The following CHGA variants were observed in gnomAD, a reference collection of about 807,000 sequenced individuals.
CHGA encodes the protein chromogranin A.
Under a neutral mutation model 54.4 loss-of-function variants are expected in CHGA, and 41 were observed. The ratio of observed to expected loss-of-function variants is 0.75; its 90% confidence interval spans 0.59 to 0.98. CHGA has a LOEUF of 0.98. Among genes scored for constraint, CHGA ranks in the 50% least tolerant of loss-of-function variants. The pLI, the probability that CHGA is intolerant of heterozygous loss-of-function variation, is 0.00. For missense variants in CHGA, 576 were observed against 582.3 expected, an observed-to-expected ratio of 0.99 and a Z score of 0.11; for synonymous variants, 249 against 232.8, an observed-to-expected ratio of 1.07 and a Z score of -0.63.
rs759070625 is a variant in CHGA, at chr14:92,929,804, C to A, written c.344C>A (p.Ala115Asp). ...SEVLENQSSQ[A>D]ELKEAVEEPS... is the part of the protein sequence containing the mutation. ...GTTCTTGAGAACCAGAGCAGCCAGGCCGAGCTGAAAGGTCTGTCCCAGCCG... is the reference window on the plus strand; with the variant it reads ...GTTCTTGAGAACCAGAGCAGCCAGGACGAGCTGAAAGGTCTGTCCCAGCCG... The change falls in exon 5 of 8, where the codon GCC (alanine) becomes GAC (aspartate). Residue 115 changes from alanine (A) to aspartate (D), a missense_variant. Ala to Asp is a moderately radical substitution (Grantham distance 126, BLOSUM62 -2). Transcript: ENST00000216492. The A allele has an allele frequency of 1.2e-6, 2 of 1,611,776 alleles. No individual in the cohort carries two copies. The highest frequency in any genetic ancestry group is 3.3e-5 in the Admixed American group (2 of 59,998).
At position 92,932,143 on chromosome 14, in the gene CHGA, G is replaced by A. The variant is rs535602517; in HGVS notation, c.809-227G>A. The A allele has an allele frequency of 3.0e-5, 16 of 533,046 alleles. No individual in the cohort carries two copies. Among genetic ancestry groups the A allele is most frequent in the African/African-American group, 1.4e-4 (7 of 50,554 alleles). 33.0% of individuals were successfully genotyped at this position (533,046 alleles called of 1,614,324 possible). On this transcript the variant is annotated intron_variant, in intron 6 of 7. Transcript: ENST00000216492. The surrounding 1 kb of genome is among the most constrained non-coding windows in gnomAD (Gnocchi z 5.3). ...GGTCTTTCCTCACTCTCCAGCTGCC[G>A]GGCTTCTGGGGTGAGGATGAGGGGA...
chr14:92,932,109 G>A lies in CHGA; in HGVS notation c.809-261G>A, dbSNP rs919756107. 1.1e-5 allele frequency: 5 copies of A among 474,612 alleles called. No homozygotes were observed. The highest frequency in any genetic ancestry group is 3.7e-5 in the Admixed American group (1 of 27,324). The allele number at this position is 474,612 out of a possible 1,614,324, so 29.4% of individuals were successfully genotyped here. On this transcript the variant is annotated intron_variant, in intron 6 of 7. Coordinates refer to ENST00000216492, the MANE Select transcript of CHGA (RefSeq NM_001275.4). This position sits in a 1 kb window ranked among gnomAD's most constrained non-coding sequence, Gnocchi z 5.3. ...GGAGAGGCCCTGGCTCCCGCTGCGGGCCTGTCAGGGTCTTTCCTCACTCTC... is the reference window on the plus strand; with the variant it reads ...GGAGAGGCCCTGGCTCCCGCTGCGGACCTGTCAGGGTCTTTCCTCACTCTC...
chr14:92,929,500 G>A (rs1886952013), intron 4 of CHGA, among the ~76,000 whole-genome samples: 1 of 152,240 alleles, frequency 6.6e-6, no homozygotes, highest in African/African-American at 2.4e-5. Context: ...AGCTGAGTCT[G>A]GCGAGGCAGG....
rs777589945 is a variant in CHGA at position 92,926,581 on chromosome 14, C to T, written c.94-24C>T. The T allele has an allele frequency of 2.5e-6, 4 of 1,609,394 alleles. No homozygotes were observed. In the African/African-American group the frequency reaches 4.0e-5, roughly 16 times the overall value. Reference sequence around the variant, plus strand: ...AGCCCCATGCTCAAACCAGCCCCAACCTGCCCCTGCACTGTGTTCCCAGGT... The same window carrying T: ...AGCCCCATGCTCAAACCAGCCCCAATCTGCCCCTGCACTGTGTTCCCAGGT... On this transcript the variant is annotated intron_variant, in intron 2 of 7. Coordinates refer to ENST00000216492, the MANE Select transcript of CHGA (RefSeq NM_001275.4).
At chr14:92,926,189 C>T (rs920128272) in intron 2 of CHGA, 4 of 201,092 alleles carry the variant, frequency 2.0e-5, no homozygotes, top group East Asian at 1.1e-4. Flanking sequence ...TCCAGAAGGA[C>T]TTCCTGGAGG....
rs9658661 is a variant in CHGA at position 92,932,251 on chromosome 14, C to A, written c.809-119C>A. 3.7e-6 allele frequency: 5 copies of A among 1,363,658 alleles called. No individual in the cohort carries two copies. The African/African-American group carries it at 5.9e-5, about 16-fold the overall frequency. 84.5% of individuals were successfully genotyped at this position (1,363,658 alleles called of 1,614,324 possible). On this transcript the variant is annotated intron_variant, in intron 6 of 7. Transcript: ENST00000216492. This position sits in a 1 kb window ranked among gnomAD's most constrained non-coding sequence, Gnocchi z 5.3. ...CATCAAGAAGGTTTTTCCCGCTAAG[C>A]GTCATCACTGTGGAGAGGCTGGGCT...
rs111831774 is a variant in CHGA, at chr14:92,926,399, G to C, written c.94-206G>C. The C allele has an allele frequency of 9.8e-5, 57 of 581,530 alleles. No individual in the cohort carries two copies. The African/African-American group carries it at 9.9e-4, about 10-fold the overall frequency. 36.0% of individuals were successfully genotyped at this position (581,530 alleles called of 1,614,324 possible). A position where few individuals can be genotyped will look rare whatever the true frequency, so the allele number is the denominator to read the frequency against. ...ATGTGGTTGGAGTGGCTGACACATG[G>C]TAAGCACTGTGTTAAGGGTTTTCTA... On this transcript the variant is annotated intron_variant, in intron 2 of 7. Transcript: ENST00000216492.
At chr14:92,924,577 GT>G (rs1886850892) in intron 2 of CHGA, among the ~76,000 whole-genome samples, 1 of 152,228 alleles carries the variant, frequency 6.6e-6, no homozygotes, top group Non-Finnish European at 1.5e-5. Flanking sequence ...CTTCTCTGTA[GT>G]TGTAGTTGTC....
intron 7 of CHGA, 63 bp from the exon 8 acceptor site, chr14:92,934,738 G>A (rs948616088): frequency 2.3e-6 from 3 of 1,329,532 alleles, no homozygotes; most frequent in Non-Finnish European, 3.2e-6. Flanking sequence ...CGCCTTTCTG[G>A]CTTACTGTGC....
chr14:92,928,267 TG>T (rs1352262691), intron 4 of CHGA, among the ~76,000 whole-genome samples: 5 of 151,658 alleles, frequency 3.3e-5, no homozygotes, highest in African/African-American at 4.9e-5. Flanking sequence ...TGGGGTGGGG[TG>T]GGGGTACGAA....
intron 5 of CHGA, among the ~76,000 whole-genome samples, 179 bp from the exon 6 acceptor site, chr14:92,931,052 GATTAAAAAGAAAGAAACAA>G (rs1268232373): frequency 1.3e-5 from 2 of 152,230 alleles, no homozygotes; most frequent in African/African-American, 4.8e-5. Context: ...TAAAAGTCAG[GATTAAAAAGAAAGAAACAA>G]ATCCAGCTGT....
intron 7 of CHGA, among the ~76,000 whole-genome samples, chr14:92,934,516 A>G (rs11625320): frequency 0.24 from 36,032 of 152,134 alleles, 4,448 homozygotes; most frequent in Middle Eastern, 0.39. Flanking sequence ...CTAAAAGAAC[A>G]GACTCCCACC....
intron 7 of CHGA, among the ~76,000 whole-genome samples, chr14:92,933,636 A>G (rs1248228983): frequency 2.0e-5 from 3 of 152,134 alleles, no homozygotes; most frequent in Admixed American, 1.3e-4. Flanking sequence ...CCTGACCCCA[A>G]GGCTCTTCTC....
At chr14:92,933,467 C>A (rs1232288418) in intron 7 of CHGA, among the ~76,000 whole-genome samples, 1 of 152,160 alleles carries the variant, frequency 6.6e-6, no homozygotes, top group Non-Finnish European at 1.5e-5. Flanking sequence ...CTTTGAAAAC[C>A]AGGGCCCCTG....
chr14:92,933,785 G>A (rs1887061538), intron 7 of CHGA, among the ~76,000 whole-genome samples: 1 of 152,180 alleles, frequency 6.6e-6, no homozygotes, highest in South Asian at 2.1e-4. Flanking sequence ...GGAGCCCAGG[G>A]CGAGGGGCTG....
chr14:92,929,440 C>T (rs776162904), intron 4 of CHGA, among the ~76,000 whole-genome samples: 15 of 152,202 alleles, frequency 9.9e-5, no homozygotes, highest in Non-Finnish European at 2.1e-4. Context: ...TCCATTTGAG[C>T]CTTTCTTGCT....
Position 92,931,413 on chromosome 14 carries a change from AGAG to A in CHGA, c.536_538del (p.Glu179del), listed in dbSNP as rs145227561. ...GGAACAATCAGGCCCCTGGGGAGGAAGAGGAGGAGGAGGAGGAGGCCACCAACA... is the reference window on the plus strand; with the variant it reads ...GGAACAATCAGGCCCCTGGGGAGGAAGAGGAGGAGGAGGAGGCCACCAACA... On this transcript the variant is annotated inframe_deletion, in exon 6 of 8. Transcript: ENST00000216492. 1,094 of 1,563,874 alleles carry A rather than the reference AGAG, an allele frequency of 7.0e-4. 8 individuals are homozygous for A. The African/African-American group carries it at 9.2e-3, about 13-fold the overall frequency.
At chr14:92,933,685 C>T (rs867379704) in intron 7 of CHGA, among the ~76,000 whole-genome samples, 1 of 152,186 alleles carries the variant, frequency 6.6e-6, no homozygotes. Context: ...TCACTGGGCC[C>T]CCGACCCCCT....
chr14:92,927,923 A>C lies in CHGA; in HGVS notation c.256+305A>C, dbSNP rs1216048858. ...ATTTTAGGAAATACCTTTATGAAGT[A>C]GTGAGCCACTCGTCACTGATGATAT... On this transcript the variant is annotated intron_variant, in intron 4 of 7. Transcript: ENST00000216492. Among the ~76,000 whole-genome samples, 4 of 152,334 alleles carry C rather than the reference A, an allele frequency of 2.6e-5. 1 individual carries two copies. The East Asian group carries it at 7.7e-4, about 29-fold the overall frequency.
Sources: gnomAD v4.1 joint callset for allele counts (sites outside exome capture counted in the v4.1 genomes callset) on GRCh38, gnomAD v4.1.1 for gene constraint, Gnocchi (gnomAD v3.1) non-coding constraint, MANE v1.5 for transcripts, NCBI Gene and HGNC (gene_info 2026-07-23, HGNC 2026-07-21) for gene names.